The following FGD5 variants were observed in gnomAD, a reference collection of about 807,000 sequenced individuals.
FGD5 encodes the protein FYVE, RhoGEF and PH domain containing 5.
Under a neutral mutation model 133.4 loss-of-function variants are expected in FGD5, and 28 were observed. The observed-to-expected ratio is 0.21, with a 90% CI of 0.16 to 0.29. The LOEUF (loss-of-function observed/expected upper bound fraction) is 0.29, where lower values mean the gene tolerates loss of function less well. Ranked by LOEUF, FGD5 falls within the 10% of genes least tolerant of loss-of-function variation. The pLI is 1.00. For synonymous variants in FGD5, 810 were observed against 776.5 expected (o/e 1.04, Z -0.72); for missense variants, 1,858 against 1,895.2 (o/e 0.98, Z 0.36).
chr3:14,892,849 A>T (rs2038056607), intron 4 of FGD5, among the ~76,000 whole-genome samples: 1 of 152,094 alleles, frequency 6.6e-6, no homozygotes, highest in Non-Finnish European at 1.5e-5. Flanking sequence ...AGAAAGAAAG[A>T]AAACTGTCTA....
At chr3:14,843,222 C>T (rs1376116096) in intron 1 of FGD5, among the ~76,000 whole-genome samples, 1 of 152,146 alleles carries the variant, frequency 6.6e-6, no homozygotes, top group Non-Finnish European at 1.5e-5. Flanking sequence ...TGGCACAGTA[C>T]TTGGCACATA....
chr3:14,887,191 C>A (rs1000737241), intron 4 of FGD5, among the ~76,000 whole-genome samples: 1 of 152,152 alleles, frequency 6.6e-6, no homozygotes, highest in African/African-American at 2.4e-5. Context: ...TTTTGGGGCT[C>A]TTTTTAGGTG....
chr3:14,840,083 C>T (rs1341744200), intron 1 of FGD5, among the ~76,000 whole-genome samples: 1 of 152,156 alleles, frequency 6.6e-6, no homozygotes, highest in African/African-American at 2.4e-5. Flanking sequence ...GTTACTGCAT[C>T]CATGTACAGA....
intron 11 of FGD5, among the ~76,000 whole-genome samples, chr3:14,915,837 A>G (rs761151197): frequency 6.6e-6 from 1 of 151,798 alleles, no homozygotes; most frequent in Non-Finnish European, 1.5e-5. Flanking sequence ...TGTTGGCACC[A>G]TGTGTACAGG....
chr3:14,913,199 G>T (rs998943407), intron 11 of FGD5, among the ~76,000 whole-genome samples: 1 of 152,212 alleles, frequency 6.6e-6, no homozygotes, highest in Non-Finnish European at 1.5e-5. Context: ...CCCCAGGAAA[G>T]TGGAAAGACT....
At chr3:14,871,434 G>A (rs189959887) in intron 2 of FGD5, among the ~76,000 whole-genome samples, 1 of 152,346 alleles carries the variant, frequency 6.6e-6, no homozygotes, top group East Asian at 1.9e-4. Flanking sequence ...TTGGCTCTGT[G>A]TAACTTACTC....
intron 1 of FGD5, among the ~76,000 whole-genome samples, chr3:14,823,062 A>G (rs183718914): frequency 1.1e-4 from 17 of 152,338 alleles, no homozygotes; most frequent in Non-Finnish European, 7.3e-5. Flanking sequence ...AAACACCAGC[A>G]CAGCCCGAGG....
At chr3:14,902,926 T>C (rs138996253) in intron 9 of FGD5, among the ~76,000 whole-genome samples, 210 of 152,314 alleles carry the variant, frequency 1.4e-3, no homozygotes, top group African/African-American at 4.9e-3. Flanking sequence ...AGACACCCTC[T>C]TGGCTTTCTC....
At chr3:14,914,194 A>C (rs6442486) in intron 11 of FGD5, among the ~76,000 whole-genome samples, 2 of 152,090 alleles carry the variant, frequency 1.3e-5, no homozygotes, top group African/African-American at 4.8e-5. Flanking sequence ...AAACACACTT[A>C]GGAAGAATTT....
At chr3:14,926,026 C>G (rs1381596398) in intron 17 of FGD5, 44 bp from the exon 18 acceptor site, 2 of 1,609,010 alleles carry the variant, frequency 1.2e-6, no homozygotes, top group Non-Finnish European at 1.7e-6. Flanking sequence ...TGAACTGTGC[C>G]TGACCACCGG....
At chr3:14,810,757 G>A, upstream of FGD5, 1 of 970,436 alleles carries the variant, frequency 1.0e-6, no homozygotes, top group Non-Finnish European at 1.2e-6. Flanking sequence ...TGCGGGCCCC[G>A]CGGGGCGGCC....
intron 2 of FGD5, 112 bp downstream of exon 2, chr3:14,864,372 GC>G (rs1241029114): frequency 1.3e-6 from 2 of 1,530,904 alleles, no homozygotes; most frequent in African/African-American, 1.4e-5. Flanking sequence ...CAGATAGCTG[GC>G]CCCAGCTGGA....
rs201965283 is a variant in FGD5 at position 14,820,829 on chromosome 3, G to C, written c.1758G>C (p.Ser586=). 1.2e-6 allele frequency: 2 copies of C among 1,613,826 alleles called. No individual in the cohort carries two copies. The highest frequency in any genetic ancestry group is 1.1e-5 in the South Asian group (1 of 91,066). The part of the protein sequence containing the change: ...IKRKEDNLSL[S]CVIGSSGSFS... ...GGAAAGAGGACAATCTCTCTCTGTC[G>C]TGTGTAATTGGCTCCTCTGGGAGTT... Residue 586 remains serine, a synonymous_variant, in exon 1 of 20, where the codon TCG becomes TCC. Coordinates refer to ENST00000285046, the MANE Select transcript of FGD5 (RefSeq NM_152536.4).
chr3:14,906,986 T>G (rs1243444482), intron 9 of FGD5, among the ~76,000 whole-genome samples: 1 of 152,222 alleles, frequency 6.6e-6, no homozygotes, highest in Non-Finnish European at 1.5e-5. Flanking sequence ...CTACATAGGA[T>G]TTTATGCCCA....
rs750233057 is a variant in FGD5, at chr3:14,898,847, A to G, written c.3154+21A>G. The stretch of plus-strand genomic sequence containing the variant: ...CACAGGTGGGCCCCACAGGAGATCA[A>G]TGGGGACTGAGGCGGCAGGGCAGGG... On this transcript the variant is annotated intron_variant, in intron 7 of 19. Transcript: ENST00000285046. The G allele has an allele frequency of 1.4e-5, 22 of 1,561,532 alleles. No homozygotes were observed. The East Asian group carries it at 1.4e-4, about 10-fold the overall frequency.
chr3:14,911,860 G>A (rs1417974246), intron 11 of FGD5, among the ~76,000 whole-genome samples: 4 of 150,850 alleles, frequency 2.7e-5, no homozygotes, highest in Non-Finnish European at 1.5e-5. Flanking sequence ...CGGCAGCGCC[G>A]CCGTGTCTGG....
chr3:14,887,790 A>T (rs191858015), intron 4 of FGD5, among the ~76,000 whole-genome samples: 1 of 152,150 alleles, frequency 6.6e-6, no homozygotes, highest in Non-Finnish European at 1.5e-5. Context: ...AAATGTGTTG[A>T]ATAGCCAGGT....
At chr3:14,926,020 CTG>C in intron 17 of FGD5, 48 bp from the exon 18 acceptor site, 2 of 1,606,788 alleles carry the variant, frequency 1.2e-6, no homozygotes, top group Non-Finnish European at 1.7e-6. Flanking sequence ...TCTGTTTGAA[CTG>C]TGCCTGACCA....
chr3:14,873,232 AG>A (rs1477029224), intron 2 of FGD5, among the ~76,000 whole-genome samples: 1 of 152,056 alleles, frequency 6.6e-6, no homozygotes, highest in Non-Finnish European at 1.5e-5. Flanking sequence ...CTTGATCAAG[AG>A]GGGGCTTGTT....
Sources: allele counts gnomAD v4.1 joint callset (sites outside exome capture counted in the v4.1 genomes callset), GRCh38; gene constraint gnomAD v4.1.1; transcripts MANE v1.5; gene names NCBI Gene and HGNC (gene_info 2026-07-23, HGNC 2026-07-21).